The following CACNA1D variants were observed in gnomAD, a reference collection of about 807,000 sequenced individuals.
CACNA1D encodes the protein voltage-dependent L-type calcium channel subunit alpha-1D.
In CACNA1D, 55 loss-of-function variants were observed where a neutral mutation model predicts 257.1. The ratio of observed to expected loss-of-function variants is 0.21; its 90% CI spans 0.17 to 0.27. CACNA1D has a LOEUF of 0.27. Ranked by LOEUF, CACNA1D falls within the 10% of genes least tolerant of loss-of-function variation. The pLI, the probability that CACNA1D is intolerant of heterozygous loss-of-function variation, is 1.00. For synonymous variants in CACNA1D, 980 were observed against 1,014.9 expected (o/e 0.97, Z 0.65); for missense variants, 1,876 against 2,784.0 (o/e 0.67, Z 7.34).
intron 7 of CACNA1D, 26 bp from the exon 8 acceptor site, chr3:53,672,997 C>T: frequency 6.8e-7 from 1 of 1,473,258 alleles, no homozygotes; most frequent in Non-Finnish European, 9.3e-7. Flanking sequence ...TAACCCACTC[C>T]TATGAGACCA....
intron 26 of CACNA1D, 196 bp from the exon 27 acceptor site, chr3:53,749,072 G>C (rs774899956): frequency 2.9e-6 from 2 of 698,198 alleles, no homozygotes; most frequent in South Asian, 3.0e-5. Context: ...TATCCTGGGT[G>C]CCCCCTCCTC....
chr3:53,544,888 C>T (rs934233053), intron 3 of CACNA1D, among the ~76,000 whole-genome samples: 13 of 152,154 alleles, frequency 8.5e-5, no homozygotes, highest in African/African-American at 2.9e-4. Context: ...GCCACTGGAG[C>T]GTCTACCTCA....
intron 37 of CACNA1D, among the ~76,000 whole-genome samples, chr3:53,779,538 G>A (rs548664873): frequency 4.6e-5 from 7 of 152,306 alleles, no homozygotes; most frequent in Middle Eastern, 3.4e-3. Context: ...CCATCTGCAA[G>A]CTGGACCTGG....
At chr3:53,750,600 G>T (rs2095216595) in intron 27 of CACNA1D, among the ~76,000 whole-genome samples, 1 of 152,204 alleles carries the variant, frequency 6.6e-6, no homozygotes, top group Admixed American at 6.5e-5. Flanking sequence ...ACCAGTGATT[G>T]TCAGGGAGAG....
rs2090268770 is a variant in CACNA1D, at chr3:53,494,616, C to A, written c.-551C>A. 1 of 145,792 alleles carries A rather than the reference C, an allele frequency of 6.9e-6. No homozygotes were observed. Among genetic ancestry groups the A allele is most frequent in the South Asian group, 1.9e-4 (1 of 5,176 alleles). The allele number at this position is 145,792 out of a possible 1,614,324, so 9.0% of individuals were successfully genotyped here. A position where few individuals can be genotyped will look rare whatever the true frequency, so the allele number is the denominator to read the frequency against. The stretch of plus-strand genomic sequence containing the variant: ...GCGCGCAGCGTCGCCAGGGCGAAGC[C>A]GGCGTGCGGCGCGGCGCGGCGGGCG... On this transcript the variant is annotated 5_prime_UTR_variant, in exon 1 of 48. Transcript: ENST00000350061.
At chr3:53,567,465 T>C (rs2092865551) in intron 3 of CACNA1D, among the ~76,000 whole-genome samples, 2 of 152,198 alleles carry the variant, frequency 1.3e-5, no homozygotes, top group South Asian at 4.1e-4. Flanking sequence ...CTGAGTAAAT[T>C]ACTGCCTTTG....
At chr3:53,784,791 T>C (rs1456448511) in intron 39 of CACNA1D, among the ~76,000 whole-genome samples, 2 of 152,098 alleles carry the variant, frequency 1.3e-5, no homozygotes, top group African/African-American at 4.8e-5. Flanking sequence ...GTGTGCAGCC[T>C]GGGAAAGGGA....
At chr3:53,635,106 G>A (rs2093867098) in intron 3 of CACNA1D, among the ~76,000 whole-genome samples, 1 of 152,224 alleles carries the variant, frequency 6.6e-6, no homozygotes, top group African/African-American at 2.4e-5. Context: ...CCACAAAGAA[G>A]CTAGAGGAGG....
chr3:53,627,877 G>A (rs760814609), intron 3 of CACNA1D, among the ~76,000 whole-genome samples: 1 of 152,090 alleles, frequency 6.6e-6, no homozygotes, highest in Non-Finnish European at 1.5e-5. Context: ...GCCCAGTGTG[G>A]TGGTAGGCAT....
chr3:53,584,452 C>A (rs1206789717), intron 3 of CACNA1D, among the ~76,000 whole-genome samples: 3 of 152,168 alleles, frequency 2.0e-5, no homozygotes, highest in Admixed American at 6.5e-5. Context: ...ACCTGCAGAA[C>A]CTTTACCACT....
rs1462802525 is a variant in CACNA1D at position 53,774,025 on chromosome 3, C to G, written c.4111-562C>G. The G allele has an allele frequency of 6.4e-6, 1 of 157,002 alleles. No individual in the cohort carries two copies. The highest frequency in any genetic ancestry group is 1.4e-5 in the Non-Finnish European group (1 of 70,920). 9.7% of individuals were successfully genotyped at this position (157,002 alleles called of 1,614,324 possible). On this transcript the variant is annotated intron_variant, in intron 33 of 47. Transcript: ENST00000350061. The surrounding 1 kb of genome is among the most constrained non-coding windows in gnomAD (Gnocchi z 4.3). The stretch of plus-strand genomic sequence containing the variant: ...CTCTTCTGCCCGGGGCTCACAGCCC[C>G]TGCCTGTTGCCTCCTGCCCTTGTCT...
chr3:53,730,765 G>C (rs1181510099), intron 16 of CACNA1D, among the ~76,000 whole-genome samples: 3 of 152,264 alleles, frequency 2.0e-5, no homozygotes, highest in African/African-American at 4.8e-5. Context: ...TCGGGGCTGA[G>C]AGTGGGAGTC....
At chr3:53,736,631 C>T (rs895766919) in intron 20 of CACNA1D, among the ~76,000 whole-genome samples, 1 of 151,758 alleles carries the variant, frequency 6.6e-6, no homozygotes, top group African/African-American at 2.4e-5. Flanking sequence ...GTGGCTTATA[C>T]GTATAATCCC....
intron 3 of CACNA1D, among the ~76,000 whole-genome samples, chr3:53,531,523 G>C (rs990574868): frequency 6.6e-6 from 1 of 152,142 alleles, no homozygotes; most frequent in Non-Finnish European, 1.5e-5. Context: ...AGATAATTTA[G>C]GCTAAAAGAA....
chr3:53,499,800 A>G (rs219847), intron 2 of CACNA1D, among the ~76,000 whole-genome samples: 70,132 of 151,884 alleles, frequency 0.46, 17,252 homozygotes, highest in Middle Eastern at 0.56. Context: ...GGAAGAGACT[A>G]TTGTGTTTCT....
chr3:53,742,975 CA>C, intron 21 of CACNA1D, 35 bp from the exon 22 acceptor site: 2 of 1,395,878 alleles, frequency 1.4e-6, no homozygotes, highest in South Asian at 1.2e-5. Context: ...CCTTTGGAGA[CA>C]AAAAATGGTA....
chr3:53,537,038 C>T (rs2092135112), intron 3 of CACNA1D, among the ~76,000 whole-genome samples: 1 of 152,182 alleles, frequency 6.6e-6, no homozygotes, highest in Non-Finnish European at 1.5e-5. Context: ...CAGACTATGC[C>T]TTCTAATGTT....
At chr3:53,536,693 C>T (rs946047560) in intron 3 of CACNA1D, among the ~76,000 whole-genome samples, 1 of 152,172 alleles carries the variant, frequency 6.6e-6, no homozygotes, top group Admixed American at 6.5e-5. Flanking sequence ...TATCTTGTGA[C>T]ATATAAAAAT....
At chr3:53,523,703 C>T (rs1422203721) in intron 3 of CACNA1D, among the ~76,000 whole-genome samples, 1 of 152,356 alleles carries the variant, frequency 6.6e-6, no homozygotes, top group South Asian at 2.1e-4. Context: ...TCAGGCCCCC[C>T]TTTGCCACTC....
Sources: allele counts gnomAD v4.1 joint callset (sites outside exome capture counted in the v4.1 genomes callset), GRCh38; gene constraint gnomAD v4.1.1; non-coding constraint Gnocchi (gnomAD v3.1); transcripts MANE v1.5; gene names NCBI Gene and HGNC (gene_info 2026-07-23, HGNC 2026-07-21).